Variants in APOB observed in about 807,000 individuals in gnomAD.
APOB encodes apolipoprotein B, also known as apolipoprotein B-100.
APOB carries 153 observed loss-of-function variants against 314.1 expected under a neutral mutation model. The observed-to-expected ratio is 0.49, with a 90% CI of 0.43 to 0.56. The LOEUF is 0.56. Ranked by LOEUF, APOB falls within the 20% of genes least tolerant of loss-of-function variation. APOB has a pLI of 0.00. For synonymous variants in APOB, 2,087 were observed against 2,036.4 expected, an observed-to-expected ratio of 1.02 and a Z score of -0.67; for missense variants, 5,430 against 5,350.7, an observed-to-expected ratio of 1.01 and a Z score of -0.46.
chr2:21,037,658 A>G (rs76397577), intron 5 of APOB, among the ~76,000 whole-genome samples: 1 of 140,482 alleles, frequency 7.1e-6, no homozygotes, highest in Non-Finnish European at 1.6e-5. Flanking sequence ...TTTACTGTGT[A>G]CACCATAACC....
intron 13 of APOB, 61 bp from the exon 14 acceptor site, chr2:21,028,126 AC>A: frequency 7.7e-7 from 1 of 1,290,864 alleles, no homozygotes; most frequent in Non-Finnish European, 1.1e-6. Flanking sequence ...TGACTCTTGC[AC>A]CCCAAGTAAA....
At position 21,026,913 on chromosome 2, in the gene APOB, T is replaced by C. The variant is rs942258196; in HGVS notation, c.2119A>G (p.Lys707Glu). The C allele has an allele frequency of 1.2e-6, 2 of 1,614,188 alleles. No individual in the cohort carries two copies. Among genetic ancestry groups the C allele is most frequent in the Admixed American group, 1.7e-5 (1 of 60,018 alleles). Residue 707 changes from lysine (K) to glutamate (E), a missense_variant, in exon 15 of 29, where the codon AAG becomes GAG. Lys to Glu is a moderately conservative substitution (Grantham distance 56). Coordinates refer to ENST00000233242, the MANE Select transcript of APOB (RefSeq NM_000384.3). ...ACACTGTCTGGGAAAAATCCTTGCT[T>C]CCCAAAAAGAGCTTCCAATGTTGGC... ...FEPTLEALFGKQGFFPDSVNK... is the reference protein window; with the variant it reads ...FEPTLEALFGEQGFFPDSVNK...
Position 21,009,913 on chromosome 2 carries a change from GT to G in APOB, c.6954del (p.Lys2318AsnfsTer5). 1 of 1,613,942 alleles carries G rather than the reference GT, an allele frequency of 6.2e-7. No individual in the cohort carries two copies. The highest frequency in any genetic ancestry group is 8.5e-7 in the Non-Finnish European group (1 of 1,179,912). Reference protein sequence around the residue: ...ERINDILEHVKHFVINLIGDF... With the variant: ...ERINDILEHVXHFVINLIGDF... ...TCCCCAATAAGATTTATAACAAAGT[GT>G]TTGACATGCTCAAGAATGTCATTTA... On this transcript the variant is annotated frameshift_variant, in exon 26 of 29. Coordinates refer to ENST00000233242, the MANE Select transcript of APOB (RefSeq NM_000384.3). LOFTEE classifies it high-confidence loss of function.
rs764616296 is a variant in APOB at position 21,028,295 on chromosome 2, A to T, written c.1829+32T>A. ...GTTGGAATTCCAGCTCAGGGCCCTC[A>T]GTGGTATATGGGGTGAATAGCTCTT... On this transcript the variant is annotated intron_variant, in intron 13 of 28. Coordinates refer to ENST00000233242, the MANE Select transcript of APOB (RefSeq NM_000384.3). 5 of 1,562,714 alleles carry T rather than the reference A, an allele frequency of 3.2e-6. No individual in the cohort carries two copies. The South Asian group carries it at 5.6e-5, about 17-fold the overall frequency.
rs542194658 is a variant in APOB at position 21,004,501 on chromosome 2, A to G, written c.11904-49T>C. 17 of 1,613,186 alleles carry G rather than the reference A, an allele frequency of 1.1e-5. No individual in the cohort carries two copies. The African/African-American group carries it at 1.2e-4, about 11-fold the overall frequency. On this transcript the variant is annotated intron_variant, in intron 27 of 28. Coordinates refer to ENST00000233242, the MANE Select transcript of APOB (RefSeq NM_000384.3). The stretch of plus-strand genomic sequence containing the variant: ...CTATCACGAAAGGGGTATGGAGATG[A>G]AGAAAATCACAATGAGTTTTCAAAA...
At chr2:21,033,613 G>A (rs570479782) in intron 8 of APOB, 95 bp from the exon 9 acceptor site, 8 of 1,040,816 alleles carry the variant, frequency 7.7e-6, no homozygotes, top group East Asian at 2.4e-5. Flanking sequence ...TATCAGCACA[G>A]GGGAAAAGGG....
intron 2 of APOB, among the ~76,000 whole-genome samples, chr2:21,043,139 G>T (rs939632053): frequency 1.3e-5 from 2 of 151,188 alleles, no homozygotes; most frequent in African/African-American, 2.4e-5. Context: ...AAATAGGAAG[G>T]GGGTGGAGGT....
At position 21,032,461 on chromosome 2, in the gene APOB, C is replaced by A; in HGVS notation, c.1245G>T (p.Val415=). ...PLLIDVVTYL[V]ALIPEPSAQQ... ...GTGCTGAGGGCTCGGGGATCAGGGC[C>A]ACCAGGTAGGTGACCACATCTATCA... Residue 415 remains valine (V), a synonymous_variant, in exon 10 of 29, where the codon GTG becomes GTT. Coordinates refer to ENST00000233242, the MANE Select transcript of APOB (RefSeq NM_000384.3). 6.2e-7 allele frequency: 1 copy of A among 1,614,134 alleles called. No homozygotes were observed. Among genetic ancestry groups the A allele is most frequent in the Non-Finnish European group, 8.5e-7 (1 of 1,180,038 alleles).
chr2:21,016,842 G>A (rs927170951), intron 20 of APOB, among the ~76,000 whole-genome samples, 193 bp from the exon 21 acceptor site: 3 of 151,928 alleles, frequency 2.0e-5, no homozygotes, highest in African/African-American at 7.3e-5. Context: ...AAATTAGCCG[G>A]GCGCGTTGGT....
At chr2:21,022,783 CTG>C in intron 18 of APOB, 46 bp downstream of exon 18, 1 of 1,585,774 alleles carries the variant, frequency 6.3e-7, no homozygotes, top group Non-Finnish European at 8.7e-7. Flanking sequence ...GGTACATTCT[CTG>C]TTCTCTCTTT....
intron 18 of APOB, among the ~76,000 whole-genome samples, chr2:21,020,457 C>A (rs1477306663): frequency 6.6e-6 from 1 of 152,220 alleles, no homozygotes; most frequent in Admixed American, 6.5e-5. Flanking sequence ...ACTGCTCACT[C>A]CATCTCCTGA....
At chr2:21,033,204 C>A (rs1467846455) in intron 9 of APOB, 95 bp downstream of exon 9, 4 of 919,054 alleles carry the variant, frequency 4.4e-6, no homozygotes, top group African/African-American at 3.2e-5. Context: ...GATTGATATC[C>A]AAATGGTCCC....
In APOB at chr2:21,001,759, C is replaced by A. The variant is rs1186038519; in HGVS notation, c.13663G>T (p.Ala4555Ser). 11 of 1,613,910 alleles carry A rather than the reference C, an allele frequency of 6.8e-6. No homozygotes were observed. Among genetic ancestry groups the A allele is most frequent in the Non-Finnish European group, 9.3e-6 (11 of 1,179,914 alleles). The change falls in exon 29 of 29, where the codon GCT becomes TCT. Residue 4555 changes from alanine to serine, a missense_variant. Physicochemically the swap from Ala to Ser is moderately conservative, Grantham distance 99. Around this residue, in one of 3 missense-constraint regions of APOB, gnomAD observed 3,281 missense variants for 3,171.0 expected, o/e 1.03. Coordinates refer to ENST00000233242, the MANE Select transcript of APOB (RefSeq NM_000384.3). ...AGGATGATAGTAAGTTCTCCTGGAG[C>A]AAGCTTCATGTAGGGGTTCATGACT... ...TTVMNPYMKL[A>S]PGELTIIL
In APOB at chr2:21,002,769, G is replaced by A; in HGVS notation, c.12653C>T (p.Thr4218Ile). 1 of 1,608,332 alleles carries A rather than the reference G, an allele frequency of 6.2e-7. No individual in the cohort carries two copies. Among genetic ancestry groups the A allele is most frequent in the East Asian group, 2.2e-5 (1 of 44,788 alleles). ...PGIYTREELC[T>I]MFIREVGTVL... is the part of the protein sequence containing the mutation. ...CGTCCCTACCTCCCTTATGAACATA[G>A]TGCAAAGTTCCTCCCTAGTGTATAT... is the stretch of plus-strand genomic sequence containing the variant. Residue 4218 changes from threonine to isoleucine, a missense_variant, in exon 29 of 29, where the codon ACT becomes ATT. By Grantham distance (89) the Thr-to-Ile change is moderately conservative. This residue lies in a region of APOB where 3,281 missense variants were observed against 3,171.0 expected (regional missense o/e 1.03). Transcript: ENST00000233242.
intron 4 of APOB, among the ~76,000 whole-genome samples, chr2:21,038,814 A>G (rs1056017022): frequency 1.3e-5 from 2 of 152,204 alleles, no homozygotes; most frequent in Non-Finnish European, 2.9e-5. Flanking sequence ...AGATTTTGCC[A>G]TTGTTTGTTT....
In APOB at chr2:21,014,364, T is replaced by G. The variant is rs553441759; in HGVS notation, c.3842+84A>C. 67 of 1,532,762 alleles carry G rather than the reference T, an allele frequency of 4.4e-5. No homozygotes were observed. In the African/African-American group the frequency reaches 8.3e-4, roughly 19 times the overall value. 94.9% of individuals were successfully genotyped at this position (1,532,762 alleles called of 1,614,324 possible). ...TGCTTAAATTATTTCCTTTAAAAATTTAAAAAAATGTCTAAATCATGCTAT... is the reference window on the plus strand; with the variant it reads ...TGCTTAAATTATTTCCTTTAAAAATGTAAAAAAATGTCTAAATCATGCTAT... On this transcript the variant is annotated intron_variant, in intron 24 of 28. Transcript: ENST00000233242.
chr2:21,007,950 T>C lies in APOB; in HGVS notation c.8918A>G (p.Asn2973Ser), dbSNP rs961202726. Reference sequence around the variant, plus strand: ...GAGGGAGCCAGATTCATAAACCAAGTTTTGGTTTACTCTTAGGTGTTTGCT... The same window carrying C: ...GAGGGAGCCAGATTCATAAACCAAGCTTTGGTTTACTCTTAGGTGTTTGCT... ...INSKHLRVNQ[N>S]LVYESGSLNF... The change falls in exon 26 of 29, where the codon AAC becomes AGC. Residue 2973 changes from asparagine to serine, a missense_variant. Physicochemically the swap from Asn to Ser is conservative, Grantham distance 46 (BLOSUM62 1). This residue lies in a region of APOB where 3,281 missense variants were observed against 3,171.0 expected (regional missense o/e 1.03). Coordinates refer to ENST00000233242, the MANE Select transcript of APOB (RefSeq NM_000384.3). 6.2e-7 allele frequency: 1 copy of C among 1,614,008 alleles called. No homozygotes were observed. The highest frequency in any genetic ancestry group is 8.5e-7 in the Non-Finnish European group (1 of 1,179,914).
At chr2:21,028,679 G>C (rs1336781533) in intron 12 of APOB, 141 bp from the exon 13 acceptor site, 2 of 665,200 alleles carry the variant, frequency 3.0e-6, no homozygotes, top group Non-Finnish European at 5.3e-6. Flanking sequence ...TGCTGGTATT[G>C]AATCTTCTTG....
At position 21,013,234 on chromosome 2, in the gene APOB, T is replaced by C. The variant is rs1328748832; in HGVS notation, c.4142A>G (p.Asp1381Gly). 3 of 1,614,042 alleles carry C rather than the reference T, an allele frequency of 1.9e-6. No homozygotes were observed. In the East Asian group the frequency reaches 6.7e-5, roughly 36 times the overall value. The change falls in exon 25 of 29, where the codon GAC becomes GGC. Residue 1381 changes from aspartate (D) to glycine (G), a missense_variant. Transcript: ENST00000233242. ...ASYSGGNTST[D>G]HFSLRARYHM... Reference sequence around the variant, plus strand: ...GTAACGAGCCCGAAGGCTGAAATGGTCTGTGCTGGTGTTGCCACCACTGTA... The same window carrying C: ...GTAACGAGCCCGAAGGCTGAAATGGCCTGTGCTGGTGTTGCCACCACTGTA...
Sources: allele counts gnomAD v4.1 joint callset (sites outside exome capture counted in the v4.1 genomes callset), GRCh38; gene constraint gnomAD v4.1.1; regional missense constraint gnomAD v4.1.1; transcripts MANE v1.5; gene names NCBI Gene and HGNC (gene_info 2026-07-23, HGNC 2026-07-21).